SETDB2: variants seen among roughly 807,000 people sequenced by gnomAD.
SETDB2 encodes histone-lysine N-methyltransferase SETDB2.
In SETDB2, 56 loss-of-function variants were observed where a neutral mutation model predicts 82.5. The ratio of observed to expected loss-of-function variants is 0.68; its 90% CI spans 0.55 to 0.85. The LOEUF (loss-of-function observed/expected upper bound fraction) is 0.85. Among genes scored for constraint, SETDB2 ranks in the 40% least tolerant of loss-of-function variants. SETDB2 has a pLI of 0.00. For missense variants in SETDB2, 677 were observed against 816.4 expected, an observed-to-expected ratio of 0.83 and a Z score of 2.08; for synonymous variants, 272 against 284.9, an observed-to-expected ratio of 0.95 and a Z score of 0.46.
chr13:49,487,675 T>A lies in SETDB2; in HGVS notation c.1577-615T>A, dbSNP rs188077017. 2.5e-4 allele frequency among the ~76,000 whole-genome samples: 38 copies of A among 152,340 alleles called. No homozygotes were observed. The East Asian group carries it at 7.1e-3, about 29-fold the overall frequency. On this transcript the variant is annotated intron_variant, in intron 11 of 13. Transcript: ENST00000611815. Reference sequence around the variant, plus strand: ...ACTCTTGAATACTCTCAAAAAATTATTTTCCTTATTGGATAAGAAAAACGA... The same window carrying A: ...ACTCTTGAATACTCTCAAAAAATTAATTTCCTTATTGGATAAGAAAAACGA...
chr13:49,450,404 T>C (rs1489346520), intron 1 of SETDB2, among the ~76,000 whole-genome samples: 1 of 152,260 alleles, frequency 6.6e-6, no homozygotes. Flanking sequence ...TCAACAACTG[T>C]TTTTATATCC....
rs1219203426 is a variant in SETDB2, at chr13:49,480,291, C to G, written c.942C>G (p.Thr314=). 6.2e-7 allele frequency: 1 copy of G among 1,610,996 alleles called. No individual in the cohort carries two copies. The highest frequency in any genetic ancestry group is 1.3e-5 in the African/African-American group (1 of 74,724). The change falls in exon 7 of 14, where the codon ACC becomes ACG. Residue 314 remains threonine (T), a synonymous_variant. Coordinates refer to ENST00000611815, the MANE Select transcript of SETDB2 (RefSeq NM_001160308.3). ...CCCCCTTGTCAAGTGACAAAATAAC[C>G]ACTGGATATAAATATAAAAGACTAC... ...KTSPLSSDKI[T]TGYKYKRLQR...
intron 4 of SETDB2, 45 bp from the exon 5 acceptor site, chr13:49,467,819 T>A: frequency 6.8e-7 from 1 of 1,469,172 alleles, no homozygotes; most frequent in South Asian, 1.2e-5. Flanking sequence ...TAGCAAATGG[T>A]TTTTAACTTG....
chr13:49,461,930 A>T (rs968053826), intron 4 of SETDB2, among the ~76,000 whole-genome samples: 1 of 152,192 alleles, frequency 6.6e-6, no homozygotes, highest in Non-Finnish European at 1.5e-5. Context: ...TCACAGAAGT[A>T]TTTACTATTA....
intron 6 of SETDB2, among the ~76,000 whole-genome samples, chr13:49,478,149 A>G (rs1379964485): frequency 6.6e-6 from 1 of 152,218 alleles, no homozygotes; most frequent in Non-Finnish European, 1.5e-5. Context: ...AATGAGAGCT[A>G]TATCTACTGT....
intron 9 of SETDB2, 46 bp downstream of exon 9, chr13:49,483,008 A>G (rs1258506298): frequency 1.0e-5 from 12 of 1,179,140 alleles, no homozygotes; most frequent in Non-Finnish European, 1.4e-5. Flanking sequence ...ATTATTATCA[A>G]TCAATTGGTT....
chr13:49,477,270 A>T (rs1162576163), intron 6 of SETDB2, among the ~76,000 whole-genome samples: 1 of 152,048 alleles, frequency 6.6e-6, no homozygotes, highest in Non-Finnish European at 1.5e-5. Context: ...ACCCCATCTT[A>T]ACAAAAAATT....
intron 6 of SETDB2, 114 bp downstream of exon 6, chr13:49,477,153 A>G: frequency 9.8e-7 from 1 of 1,020,772 alleles, no homozygotes; most frequent in South Asian, 1.8e-5. Context: ...AGTTACAGTA[A>G]GACTGGGCGT....
intron 4 of SETDB2, among the ~76,000 whole-genome samples, chr13:49,465,598 A>G (rs1419430659): frequency 6.6e-6 from 1 of 151,484 alleles, no homozygotes; most frequent in Non-Finnish European, 1.5e-5. Context: ...GTACAATGGC[A>G]CGATCTTTGC....
At chr13:49,474,813 T>C (rs975196756) in intron 5 of SETDB2, among the ~76,000 whole-genome samples, 4 of 152,240 alleles carry the variant, frequency 2.6e-5, no homozygotes, top group Non-Finnish European at 5.9e-5. Context: ...TGCATGTGGC[T>C]GTTTAAATCT....
At position 49,444,628 on chromosome 13, in the gene SETDB2, C is replaced by G. The variant is rs1452117990; in HGVS notation, c.-571C>G. The G allele has an allele frequency of 6.4e-6, 1 of 155,470 alleles. No homozygotes were observed. The highest frequency in any genetic ancestry group is 1.4e-5 in the Non-Finnish European group (1 of 69,694). 9.6% of individuals were successfully genotyped at this position (155,470 alleles called of 1,614,324 possible). A position where few individuals can be genotyped will look rare whatever the true frequency, so the allele number is the denominator to read the frequency against. Reference sequence around the variant, plus strand: ...AGCAGGGGCTGGACCCCAGCCCTTGCAGCCTCCCTTCTCCTGGCACCCAAG... The same window carrying G: ...AGCAGGGGCTGGACCCCAGCCCTTGGAGCCTCCCTTCTCCTGGCACCCAAG... On this transcript the variant is annotated 5_prime_UTR_variant, in exon 1 of 14. Transcript: ENST00000611815.
At position 49,475,111 on chromosome 13, in the gene SETDB2, T is replaced by C. The variant is rs548945116; in HGVS notation, c.306-1365T>C. On this transcript the variant is annotated intron_variant, in intron 5 of 13. Coordinates refer to ENST00000611815, the MANE Select transcript of SETDB2 (RefSeq NM_001160308.3). Reference sequence around the variant, plus strand: ...CATGGCTGGAGAGGCCTCACACTCATGGCAGAAGGCAAGCAAGAGCAAGTC... The same window carrying C: ...CATGGCTGGAGAGGCCTCACACTCACGGCAGAAGGCAAGCAAGAGCAAGTC... Among the ~76,000 whole-genome samples the C allele has an allele frequency of 7.6e-4, 116 of 152,328 alleles. 1 individual carries two copies. Among genetic ancestry groups the C allele is most frequent in the African/African-American group, 2.8e-3 (115 of 41,584 alleles).
At chr13:49,456,274 A>G (rs1566156540) in intron 2 of SETDB2, among the ~76,000 whole-genome samples, 2 of 152,094 alleles carry the variant, frequency 1.3e-5, no homozygotes, top group Non-Finnish European at 2.9e-5. Flanking sequence ...TATTTCATAA[A>G]TACTTGGCTA....
In SETDB2 at chr13:49,480,211, C is replaced by T. The variant is rs1476750384; in HGVS notation, c.870-8C>T. On this transcript the variant is annotated splice_region_variant and splice_polypyrimidine_tract_variant and intron_variant, in intron 6 of 13. Transcript: ENST00000611815. The stretch of plus-strand genomic sequence containing the variant: ...TCATTCTTTCTCCATCCATTGCCTG[C>T]CTTTTAGAACAAAATGTGCATGTCT... 1.3e-6 allele frequency: 2 copies of T among 1,589,382 alleles called. No individual in the cohort carries two copies. Among genetic ancestry groups the T allele is most frequent in the Non-Finnish European group, 8.6e-7 (1 of 1,168,418 alleles).
intron 5 of SETDB2, among the ~76,000 whole-genome samples, chr13:49,471,934 A>ATATATATATATATTTTTT (rs1378783393): frequency 1.7e-5 from 2 of 119,278 alleles, no homozygotes; most frequent in African/African-American, 7.2e-5. Flanking sequence ...ATATATATAT[A>ATATATATATATATTTTTT]TTTTTTTTTT....
At chr13:49,462,300 C>G (rs1271884946) in intron 4 of SETDB2, among the ~76,000 whole-genome samples, 6 of 152,158 alleles carry the variant, frequency 3.9e-5, no homozygotes, top group Admixed American at 2.6e-4. Flanking sequence ...GACAACCAGC[C>G]CCCATTCTGA....
chr13:49,455,072 C>G (rs1245057777), intron 2 of SETDB2, among the ~76,000 whole-genome samples: 1 of 151,974 alleles, frequency 6.6e-6, no homozygotes, highest in African/African-American at 2.4e-5. Context: ...TTTTCTAAAG[C>G]AAAAATATTA....
At chr13:49,479,594 C>T (rs1454188189) in intron 6 of SETDB2, among the ~76,000 whole-genome samples, 1 of 152,176 alleles carries the variant, frequency 6.6e-6, no homozygotes, top group Non-Finnish European at 1.5e-5. Flanking sequence ...TTTTAACCAG[C>T]TCACCAGCAG....
At chr13:49,466,808 TA>T (rs1441171166) in intron 4 of SETDB2, among the ~76,000 whole-genome samples, 5 of 119,052 alleles carry the variant, frequency 4.2e-5, no homozygotes, top group Non-Finnish European at 8.3e-5. Context: ...CATGCCTGGC[TA>T]ACTTTTTTTT....
Sources: allele counts gnomAD v4.1 joint callset (sites outside exome capture counted in the v4.1 genomes callset), GRCh38; gene constraint gnomAD v4.1.1; transcripts MANE v1.5; gene names NCBI Gene and HGNC (gene_info 2026-07-23, HGNC 2026-07-21).